Variants in ZNF341 observed in about 807,000 individuals in gnomAD.
The protein encoded by ZNF341 is zinc finger protein 341.
In ZNF341, 52 loss-of-function variants were observed where a neutral mutation model predicts 87.7. The ratio of observed to expected loss-of-function variants is 0.59; its 90% CI spans 0.47 to 0.75. The LOEUF (loss-of-function observed/expected upper bound fraction) is 0.75. Among genes scored for constraint, ZNF341 ranks in the 30% least tolerant of loss-of-function variants. ZNF341 has a pLI of 0.00. For synonymous variants in ZNF341, 459 were observed against 472.7 expected (o/e 0.97, Z 0.38); for missense variants, 977 against 1,145.9 (o/e 0.85, Z 2.13).
At position 33,791,592 on chromosome 20, in the gene ZNF341, T is replaced by C; in HGVS notation, c.*75T>C. On this transcript the variant is annotated 3_prime_UTR_variant, in exon 15 of 15. Transcript: ENST00000375200. The stretch of plus-strand genomic sequence containing the variant: ...TCCAGGGCCCCTGGGGGCAGACCGG[T>C]GATCCTTACCAGTGGAAGCGAGCCA... 2 of 1,425,120 alleles carry C rather than the reference T, an allele frequency of 1.4e-6. No homozygotes were observed. Among genetic ancestry groups the C allele is most frequent in the Admixed American group, 5.3e-5 (2 of 37,636 alleles). The allele number at this position is 1,425,120 out of a possible 1,614,324, so 88.3% of individuals were successfully genotyped here.
rs545673171 is a variant in ZNF341, at chr20:33,785,291, AG to A, written c.1852+1428del. Among the ~76,000 whole-genome samples the A allele has an allele frequency of 1.6e-4, 24 of 152,198 alleles. No homozygotes were observed. The South Asian group carries it at 3.1e-3, about 20-fold the overall frequency. ...CACACATAGGATGTATTGCAACAAA[AG>A]TTTTACAAAACAGTGTTTTCTATTT... On this transcript the variant is annotated intron_variant, in intron 12 of 14. Coordinates refer to ENST00000375200, the MANE Select transcript of ZNF341 (RefSeq NM_001282933.2).
At chr20:33,736,336 T>TAACCAA (rs2018684629) in intron 1 of ZNF341, among the ~76,000 whole-genome samples, 2 of 151,996 alleles carry the variant, frequency 1.3e-5, no homozygotes, top group South Asian at 4.2e-4. Flanking sequence ...AATCCCTACC[T>TAACCAA]TGCCTTTAAC....
At chr20:33,767,188 A>G (rs747402967) in intron 9 of ZNF341, 147 bp downstream of exon 9, 1 of 998,304 alleles carries the variant, frequency 1.0e-6, no homozygotes, top group East Asian at 2.5e-5. Flanking sequence ...GATTCCGAGC[A>G]GGGGATTGAT....
chr20:33,740,882 GGCT>G lies in ZNF341; in HGVS notation c.32-17_32-15del, dbSNP rs2018784478. 1 of 1,610,046 alleles carries G rather than the reference GGCT, an allele frequency of 6.2e-7. No individual in the cohort carries two copies. Among genetic ancestry groups the G allele is most frequent in the African/African-American group, 1.3e-5 (1 of 74,960 alleles). On this transcript the variant is annotated splice_polypyrimidine_tract_variant and intron_variant, in intron 1 of 14. Coordinates refer to ENST00000375200, the MANE Select transcript of ZNF341 (RefSeq NM_001282933.2). Reference sequence around the variant, plus strand: ...TGATGCTGGGCCTACCTTCCAAAGAGGCTGCACTTCTTTTTTCAGGAATGGACA... The same window carrying G: ...TGATGCTGGGCCTACCTTCCAAAGAGGCACTTCTTTTTTCAGGAATGGACA...
chr20:33,757,800 G>A (rs1008257789), intron 6 of ZNF341, among the ~76,000 whole-genome samples: 1 of 152,322 alleles, frequency 6.6e-6, no homozygotes, highest in African/African-American at 2.4e-5. Context: ...GCCATACCTA[G>A]CTGCAAGAGA....
chr20:33,736,777 C>T (rs1223167550), intron 1 of ZNF341, among the ~76,000 whole-genome samples: 2 of 152,168 alleles, frequency 1.3e-5, no homozygotes, highest in Non-Finnish European at 2.9e-5. Context: ...CTAAAACACT[C>T]ACAATTTTGC....
In ZNF341 at chr20:33,788,492, G is replaced by A. The variant is rs903141252; in HGVS notation, c.1853-371G>A. On this transcript the variant is annotated intron_variant, in intron 12 of 14. Coordinates refer to ENST00000375200, the MANE Select transcript of ZNF341 (RefSeq NM_001282933.2). ...CAGGTCCTCCCATGCGGACCTGGCTGGCTCGCTGCCCTCACCTTCTGCCTT... is the reference window on the plus strand; with the variant it reads ...CAGGTCCTCCCATGCGGACCTGGCTAGCTCGCTGCCCTCACCTTCTGCCTT... The A allele has an allele frequency of 1.0e-5, 3 of 290,614 alleles. No homozygotes were observed. In the Admixed American group the frequency reaches 1.3e-4, roughly 13 times the overall value. 18.0% of individuals were successfully genotyped at this position (290,614 alleles called of 1,614,324 possible). A position where few individuals can be genotyped will look rare whatever the true frequency, so the allele number is the denominator to read the frequency against.
chr20:33,766,724 G>A, intron 8 of ZNF341, 127 bp from the exon 9 acceptor site: 1 of 987,084 alleles, frequency 1.0e-6, no homozygotes, highest in Non-Finnish European at 1.5e-6. Flanking sequence ...AGCACCTTAA[G>A]CACAGAGTCT....
chr20:33,776,331 G>A (rs2019626288), intron 10 of ZNF341, among the ~76,000 whole-genome samples: 1 of 151,114 alleles, frequency 6.6e-6, no homozygotes. Context: ...GGGCTCAAGT[G>A]ATCCTCCTAC....
At chr20:33,763,107 A>G (rs2122689009) in intron 8 of ZNF341, among the ~76,000 whole-genome samples, 1 of 152,290 alleles carries the variant, frequency 6.6e-6, no homozygotes, top group Admixed American at 6.5e-5. Flanking sequence ...ATTTTCTGTC[A>G]TCTAGTGACA....
chr20:33,781,002 G>A (rs370692313), intron 10 of ZNF341, among the ~76,000 whole-genome samples: 2 of 152,154 alleles, frequency 1.3e-5, no homozygotes, highest in Admixed American at 1.3e-4. Context: ...GCCAGCCACT[G>A]TGCTCAGCCT....
At position 33,737,824 on chromosome 20, in the gene ZNF341, G is replaced by A. The variant is rs527425899; in HGVS notation, c.32-3078G>A. On this transcript the variant is annotated intron_variant, in intron 1 of 14. Transcript: ENST00000375200. ...AAAATCTGAAAAGATATCTCAAAAG[G>A]CTAATCTTAGGTTCTATAATAATGA... Among the ~76,000 whole-genome samples, 36 of 152,082 alleles carry A rather than the reference G, an allele frequency of 2.4e-4. 1 individual carries two copies. The highest frequency in any genetic ancestry group is 8.0e-4 in the African/African-American group (33 of 41,504).
intron 8 of ZNF341, 93 bp downstream of exon 8, chr20:33,762,148 A>AGAGAGGTCATGGGGT: frequency 8.2e-7 from 1 of 1,220,248 alleles, no homozygotes; most frequent in Non-Finnish European, 1.1e-6. Flanking sequence ...GGCAAACCCC[A>AGAGAGGTCATGGGGT]TGACCTCTCT....
At chr20:33,734,858 C>T (rs1025036635) in intron 1 of ZNF341, among the ~76,000 whole-genome samples, 1 of 152,040 alleles carries the variant, frequency 6.6e-6, no homozygotes, top group Non-Finnish European at 1.5e-5. Context: ...GCACATGCCA[C>T]CACGTCTGGC....
intron 3 of ZNF341, among the ~76,000 whole-genome samples, chr20:33,746,267 C>T (rs1472221077): frequency 3.3e-5 from 3 of 89,896 alleles, no homozygotes; most frequent in Non-Finnish European, 6.1e-5. Context: ...GAGTTTCACT[C>T]TTGTTGCCCA....
At chr20:33,764,961 G>A (rs2019375855) in intron 8 of ZNF341, among the ~76,000 whole-genome samples, 1 of 151,790 alleles carries the variant, frequency 6.6e-6, no homozygotes, top group Admixed American at 6.6e-5. Flanking sequence ...CAAGTAGCTG[G>A]GATGGGGGTG....
chr20:33,741,255 G>T (rs2018795432), intron 2 of ZNF341, among the ~76,000 whole-genome samples: 1 of 152,162 alleles, frequency 6.6e-6, no homozygotes, highest in Non-Finnish European at 1.5e-5. Context: ...AAGATGCAGG[G>T]AATGGCTAAG....
intron 12 of ZNF341, chr20:33,787,938 C>G (rs2019902667): frequency 6.6e-6 from 1 of 152,338 alleles, no homozygotes; most frequent in Non-Finnish European, 1.5e-5. Flanking sequence ...CTCCTCTCCT[C>G]CTCTCACAGT....
intron 9 of ZNF341, 110 bp from the exon 10 acceptor site, chr20:33,769,974 C>A: frequency 1.4e-6 from 1 of 690,694 alleles, no homozygotes; most frequent in South Asian, 1.7e-5. Context: ...GCAGAGGGAG[C>A]AGTGGTCAGA....
Sources: allele counts gnomAD v4.1 joint callset (sites outside exome capture counted in the v4.1 genomes callset), GRCh38; gene constraint gnomAD v4.1.1; transcripts MANE v1.5; gene names NCBI Gene and HGNC (gene_info 2026-07-23, HGNC 2026-07-21).